Variants in DCC observed in about 807,000 individuals in gnomAD.
The protein encoded by DCC is DCC netrin 1 receptor.
Under a neutral mutation model 172.5 loss-of-function variants are expected in DCC, and 58 were observed. The observed-to-expected ratio is 0.34, with a 90% confidence interval of 0.27 to 0.42. DCC has a LOEUF of 0.42. DCC is among the 10% of genes least tolerant of loss of function. The pLI, the probability that DCC is intolerant of heterozygous loss-of-function variation, is 1.00. For synonymous variants in DCC, 709 were observed against 644.5 expected (o/e 1.10, Z -1.52); for missense variants, 1,740 against 1,791.0 (o/e 0.97, Z 0.51).
intron 1 of DCC, among the ~76,000 whole-genome samples, chr18:52,605,172 C>T (rs2034106974): frequency 6.6e-6 from 1 of 151,980 alleles, no homozygotes; most frequent in African/African-American, 2.4e-5. Flanking sequence ...CTGTTTGAGA[C>T]ATAAATGTGA....
rs1307966488 is a variant in DCC, at chr18:53,522,085, C to A, written c.4112-4532C>A. On this transcript the variant is annotated intron_variant, in intron 27 of 28. Coordinates refer to ENST00000442544, the MANE Select transcript of DCC (RefSeq NM_005215.4). ...GGTAGATACCTTCTCAAGGTTTATG[C>A]CTCTTTTTAAAGCTTTTAAACTTTG... Among the ~76,000 whole-genome samples the A allele has an allele frequency of 2.0e-5, 3 of 152,042 alleles. 1 individual carries two copies. The highest frequency in any genetic ancestry group is 6.6e-5 in the Admixed American group (1 of 15,254).
intron 1 of DCC, among the ~76,000 whole-genome samples, chr18:52,510,444 C>T (rs2031396401): frequency 1.3e-5 from 2 of 152,132 alleles, no homozygotes; most frequent in Non-Finnish European, 2.9e-5. Context: ...GCTTGCCTTG[C>T]CTAACTTAAC....
chr18:52,886,831 C>T (rs755524208), intron 2 of DCC, among the ~76,000 whole-genome samples: 36 of 152,150 alleles, frequency 2.4e-4, no homozygotes, highest in Non-Finnish European at 4.3e-4. Context: ...TGTGTGTCAG[C>T]GGGGATGGCA....
chr18:53,146,474 T>C (rs2043917665), intron 7 of DCC, among the ~76,000 whole-genome samples: 1 of 152,098 alleles, frequency 6.6e-6, no homozygotes, highest in Non-Finnish European at 1.5e-5. Flanking sequence ...GCCAAGTCCT[T>C]TTATAAGAGC....
intron 1 of DCC, among the ~76,000 whole-genome samples, chr18:52,749,512 G>A (rs373781011): frequency 3.3e-5 from 5 of 152,256 alleles, no homozygotes; most frequent in African/African-American, 1.2e-4. Context: ...AATCACTAAT[G>A]CAAGTTACTT....
intron 5 of DCC, among the ~76,000 whole-genome samples, chr18:52,966,117 C>T (rs1267649398): frequency 6.6e-6 from 1 of 152,140 alleles, no homozygotes; most frequent in African/African-American, 2.4e-5. Flanking sequence ...GATCATTTCC[C>T]ATAGTAAACA....
chr18:52,694,778 T>C (rs2035986114), intron 1 of DCC, among the ~76,000 whole-genome samples: 2 of 152,132 alleles, frequency 1.3e-5, no homozygotes, highest in Non-Finnish European at 2.9e-5. Flanking sequence ...GCATATGACC[T>C]TGGGCAAGTC....
intron 1 of DCC, among the ~76,000 whole-genome samples, chr18:52,707,899 T>C (rs1256539156): frequency 2.0e-5 from 3 of 152,176 alleles, no homozygotes; most frequent in African/African-American, 4.8e-5. Flanking sequence ...GTATACAAAA[T>C]TTCAGTTAGA....
intron 1 of DCC, among the ~76,000 whole-genome samples, chr18:52,731,130 C>T (rs2036633970): frequency 6.6e-6 from 1 of 152,188 alleles, no homozygotes; most frequent in African/African-American, 2.4e-5. Flanking sequence ...TAAGGCCAGG[C>T]AGCGTTTTTC....
At chr18:52,589,804 G>A (rs1313686898) in intron 1 of DCC, among the ~76,000 whole-genome samples, 2 of 152,156 alleles carry the variant, frequency 1.3e-5, no homozygotes, top group Non-Finnish European at 2.9e-5. Flanking sequence ...TGGAATTAAA[G>A]CAAGTTGACT....
chr18:53,276,100 G>C (rs1355010217), intron 12 of DCC, among the ~76,000 whole-genome samples: 1 of 152,070 alleles, frequency 6.6e-6, no homozygotes, highest in Non-Finnish European at 1.5e-5. Context: ...ATGTTTGCTA[G>C]GATAGTTATG....
intron 1 of DCC, among the ~76,000 whole-genome samples, chr18:52,374,984 A>G (rs1053024712): frequency 2.0e-5 from 3 of 152,192 alleles, no homozygotes; most frequent in Non-Finnish European, 4.4e-5. Context: ...CAGAACATTG[A>G]CTTGTCTACA....
intron 20 of DCC, among the ~76,000 whole-genome samples, chr18:53,415,348 G>A (rs531058934): frequency 8.5e-5 from 13 of 152,146 alleles, no homozygotes; most frequent in Admixed American, 6.5e-4. Context: ...GCTCAAAGAC[G>A]GTCAAGTCTA....
At chr18:53,223,648 C>G (rs576881945) in intron 12 of DCC, among the ~76,000 whole-genome samples, 2 of 152,238 alleles carry the variant, frequency 1.3e-5, no homozygotes, top group South Asian at 2.1e-4. Flanking sequence ...ATAAGTTCAG[C>G]CCTACCAGTA....
chr18:52,910,493 A>C (rs2039956674), intron 3 of DCC, among the ~76,000 whole-genome samples: 1 of 152,166 alleles, frequency 6.6e-6, no homozygotes, highest in African/African-American at 2.4e-5. Context: ...CATTGTGCTA[A>C]AGCATTTTTT....
intron 2 of DCC, among the ~76,000 whole-genome samples, chr18:52,897,481 A>G (rs917750734): frequency 1.3e-5 from 2 of 152,236 alleles, no homozygotes; most frequent in African/African-American, 4.8e-5. Context: ...ACCTCAACCA[A>G]TATTTGTGTA....
intron 1 of DCC, among the ~76,000 whole-genome samples, chr18:52,673,821 CT>C (rs1329782946): frequency 1.3e-5 from 2 of 152,156 alleles, no homozygotes; most frequent in African/African-American, 4.8e-5. Context: ...ATGGGGTAAA[CT>C]CTTCTACCTT....
intron 12 of DCC, among the ~76,000 whole-genome samples, chr18:53,258,089 G>A (rs2056545071): frequency 6.6e-6 from 1 of 152,028 alleles, no homozygotes; most frequent in Admixed American, 6.5e-5. Context: ...GCATGTATTT[G>A]ATTCTTCTCT....
At chr18:53,097,785 C>T (rs1043047099) in intron 7 of DCC, among the ~76,000 whole-genome samples, 3 of 152,098 alleles carry the variant, frequency 2.0e-5, no homozygotes, top group Admixed American at 6.6e-5. Context: ...ACTGTGTCTT[C>T]GCATGACTTT....
Sources: allele counts gnomAD v4.1 joint callset (sites outside exome capture counted in the v4.1 genomes callset), GRCh38; gene constraint gnomAD v4.1.1; transcripts MANE v1.5; gene names NCBI Gene and HGNC (gene_info 2026-07-23, HGNC 2026-07-21).